TBCK: variants seen among roughly 807,000 people sequenced by gnomAD.
TBCK encodes the protein TBC domain-containing protein kinase-like protein.
A neutral mutation model predicts 113.4 loss-of-function variants in TBCK; 99 were observed. The observed-to-expected ratio is 0.87, with a 90% confidence interval of 0.74 to 1.03. The LOEUF (loss-of-function observed/expected upper bound fraction) is 1.03, where lower values mean the gene tolerates loss of function less well. Ranked by LOEUF, TBCK falls within the 50% of genes least tolerant of loss-of-function variation. The probability of loss-of-function intolerance (pLI) is 0.00; values close to 1 mark genes in which losing one functional copy is unlikely to be tolerated. For missense variants in TBCK, 1,045 were observed against 1,061.3 expected (o/e 0.98, Z 0.21); for synonymous variants, 369 against 370.8 (o/e 1.00, Z 0.05).
intron 25 of TBCK, among the ~76,000 whole-genome samples, chr4:106,059,905 A>G (rs913332090): frequency 1.3e-5 from 2 of 151,764 alleles, no homozygotes; most frequent in Non-Finnish European, 2.9e-5. Flanking sequence ...AGAAAGCAAA[A>G]CAGCCTTCTT....
chr4:106,060,911 G>A (rs2149460345), intron 25 of TBCK, among the ~76,000 whole-genome samples: 1 of 151,856 alleles, frequency 6.6e-6, no homozygotes, highest in East Asian at 1.9e-4. Flanking sequence ...AGACTTCAGT[G>A]GAGGTAGAAA....
At chr4:106,106,705 G>A (rs886987428) in intron 24 of TBCK, among the ~76,000 whole-genome samples, 4 of 152,136 alleles carry the variant, frequency 2.6e-5, no homozygotes, top group African/African-American at 9.6e-5. Context: ...CACACAGACC[G>A]ACGTCACTGT....
intron 3 of TBCK, among the ~76,000 whole-genome samples, chr4:106,280,198 C>T (rs557593767): frequency 1.3e-5 from 2 of 152,182 alleles, no homozygotes; most frequent in African/African-American, 4.8e-5. Flanking sequence ...TGTTCAGCCC[C>T]TTTTCATAAG....
At chr4:106,093,347 A>G (rs1740527745) in intron 25 of TBCK, among the ~76,000 whole-genome samples, 1 of 152,186 alleles carries the variant, frequency 6.6e-6, no homozygotes, top group Non-Finnish European at 1.5e-5. Flanking sequence ...TCTACTAAAA[A>G]TACGAAAAAA....
At chr4:106,271,211 C>G (rs1032784821) in intron 3 of TBCK, among the ~76,000 whole-genome samples, 1 of 152,026 alleles carries the variant, frequency 6.6e-6, no homozygotes, top group Non-Finnish European at 1.5e-5. Context: ...GAAGATCATA[C>G]CAATTACAGC....
intron 19 of TBCK, among the ~76,000 whole-genome samples, chr4:106,222,086 T>C (rs1387616252): frequency 2.0e-5 from 3 of 152,126 alleles, no homozygotes; most frequent in African/African-American, 7.2e-5. Context: ...AATGGTATTA[T>C]TTAAACAAAT....
chr4:106,152,412 C>T (rs754032380), intron 23 of TBCK, among the ~76,000 whole-genome samples: 3 of 151,928 alleles, frequency 2.0e-5, no homozygotes, highest in Non-Finnish European at 2.9e-5. Context: ...ATTGAACCAT[C>T]GTTACATTCC....
chr4:106,121,587 C>A (rs1462258573), intron 23 of TBCK, among the ~76,000 whole-genome samples: 2 of 151,906 alleles, frequency 1.3e-5, no homozygotes, highest in African/African-American at 4.8e-5. Flanking sequence ...TTCAGCACCA[C>A]ACCACACCTA....
At chr4:106,312,549 T>C (rs964820275) in intron 1 of TBCK, among the ~76,000 whole-genome samples, 4 of 152,170 alleles carry the variant, frequency 2.6e-5, no homozygotes, top group Non-Finnish European at 5.9e-5. Context: ...TGGAAAACTT[T>C]TCTAAAGTTA....
Position 106,194,764 on chromosome 4 carries a change from G to GA in TBCK, c.1861-11dup. 6.4e-7 allele frequency: 1 copy of GA among 1,573,306 alleles called. No homozygotes were observed. The highest frequency in any genetic ancestry group is 1.2e-5 in the South Asian group (1 of 84,520). ...AAGGGATGGCATAGAGCTATGAGTG[G>GA]AAAAAGGGGTACAGGGAATGGATAA... On this transcript the variant is annotated splice_polypyrimidine_tract_variant and intron_variant, in intron 20 of 25. Transcript: ENST00000394708.
chr4:106,133,100 T>TGA (rs1356941416), intron 23 of TBCK, among the ~76,000 whole-genome samples: 1 of 152,180 alleles, frequency 6.6e-6, no homozygotes, highest in Non-Finnish European at 1.5e-5. Flanking sequence ...TGTGAGGACA[T>TGA]GAGATTTGGG....
Position 106,119,618 on chromosome 4 carries a change from A to G in TBCK, c.2236-3240T>C, listed in dbSNP as rs554743749. ...ACTGGTCTGGGAAATGATTGTTTGGATAAGACCTCAAAAGCACAGGCAACA... is the reference window on the plus strand; with the variant it reads ...ACTGGTCTGGGAAATGATTGTTTGGGTAAGACCTCAAAAGCACAGGCAACA... On this transcript the variant is annotated intron_variant, in intron 23 of 25. Transcript: ENST00000394708. Among the ~76,000 whole-genome samples, 4 of 152,284 alleles carry G rather than the reference A, an allele frequency of 2.6e-5. No individual in the cohort carries two copies. In the South Asian group the frequency reaches 8.3e-4, roughly 32 times the overall value.
intron 19 of TBCK, among the ~76,000 whole-genome samples, chr4:106,224,013 T>C (rs1387792280): frequency 6.6e-6 from 1 of 152,162 alleles, no homozygotes; most frequent in African/African-American, 2.4e-5. Flanking sequence ...AATGTTCCCA[T>C]GTATTGATAG....
chr4:106,085,094 C>G (rs1472640451), intron 25 of TBCK, among the ~76,000 whole-genome samples: 2 of 152,108 alleles, frequency 1.3e-5, no homozygotes, highest in African/African-American at 4.8e-5. Context: ...TCACACATAA[C>G]AATACTACCC....
intron 22 of TBCK, among the ~76,000 whole-genome samples, chr4:106,176,367 A>C (rs1378030253): frequency 6.6e-6 from 1 of 151,802 alleles, no homozygotes; most frequent in Non-Finnish European, 1.5e-5. Flanking sequence ...CTATCAATCT[A>C]CTCTCAACCT....
intron 23 of TBCK, among the ~76,000 whole-genome samples, chr4:106,127,946 G>C (rs535111118): frequency 1.3e-5 from 2 of 151,870 alleles, no homozygotes; most frequent in Admixed American, 1.3e-4. Flanking sequence ...GACAAGGATA[G>C]CACTACACAC....
chr4:106,046,725 C>T, intron 25 of TBCK, 45 bp from the exon 26 acceptor site: 1 of 896,550 alleles, frequency 1.1e-6, no homozygotes. Context: ...ATACAGAAGA[C>T]ATCTCCAACC....
chr4:106,105,294 G>C (rs1245100270), intron 24 of TBCK, among the ~76,000 whole-genome samples: 1 of 152,222 alleles, frequency 6.6e-6, no homozygotes, highest in East Asian at 1.9e-4. Context: ...ACTTCGCTGA[G>C]TGATTGATGA....
At chr4:106,217,094 T>G (rs1409876612) in intron 19 of TBCK, among the ~76,000 whole-genome samples, 1 of 151,330 alleles carries the variant, frequency 6.6e-6, no homozygotes, top group Non-Finnish European at 1.5e-5. Context: ...ATCCAGCATA[T>G]AAACAGAGCC....
Sources: allele counts gnomAD v4.1 joint callset (sites outside exome capture counted in the v4.1 genomes callset), GRCh38; gene constraint gnomAD v4.1.1; transcripts MANE v1.5; gene names NCBI Gene and HGNC (gene_info 2026-07-23, HGNC 2026-07-21).